The following SUPT3H variants were observed in gnomAD, a reference collection of about 807,000 sequenced individuals.
The protein encoded by SUPT3H is SPT3 homolog, SAGA and STAGA complex component.
SUPT3H carries 44 observed loss-of-function variants against 44.3 expected under a neutral mutation model. The observed-to-expected ratio is 0.99, with a 90% confidence interval of 0.78 to 1.28. The LOEUF is 1.28. Ranked by LOEUF, SUPT3H falls within the 50% of genes most tolerant of loss-of-function variation. The probability of loss-of-function intolerance (pLI) is 0.00; values close to 1 mark genes in which losing one functional copy is unlikely to be tolerated. For synonymous variants in SUPT3H, 124 were observed against 125.6 expected, an observed-to-expected ratio of 0.99 and a Z score of 0.09; for missense variants, 380 against 387.1, an observed-to-expected ratio of 0.98 and a Z score of 0.15.
chr6:45,050,626 T>C, intron 3 of SUPT3H, among the ~76,000 whole-genome samples: 1 of 152,158 alleles, frequency 6.6e-6, no homozygotes, highest in East Asian at 1.9e-4. Context: ...ATATATTTGA[T>C]ATTAATTTTG....
chr6:45,031,088 T>G (rs1326826588), intron 3 of SUPT3H, among the ~76,000 whole-genome samples: 1 of 152,224 alleles, frequency 6.6e-6, no homozygotes, highest in Non-Finnish European at 1.5e-5. Flanking sequence ...ATGCCTATGA[T>G]TTCATGTTTT....
In SUPT3H at chr6:45,014,560, T is replaced by C. The variant is rs16873059; in HGVS notation, c.364+241A>G. ...TGCTCCATAAAAAGAAACATTTCAATTCATCTGCAGAACTATTTTTCAAGA... is the reference window on the plus strand; with the variant it reads ...TGCTCCATAAAAAGAAACATTTCAACTCATCTGCAGAACTATTTTTCAAGA... On this transcript the variant is annotated intron_variant, in intron 5 of 10. Transcript: ENST00000371459. Among the ~76,000 whole-genome samples the C allele has an allele frequency of 3.4e-3, 516 of 152,242 alleles. 3 individuals are homozygous for C. Among genetic ancestry groups the C allele is most frequent in the African/African-American group, 0.012 (495 of 41,558 alleles).
At chr6:44,898,332 G>A (rs1764419099) in intron 10 of SUPT3H, among the ~76,000 whole-genome samples, 2 of 152,194 alleles carry the variant, frequency 1.3e-5, no homozygotes, top group East Asian at 1.9e-4. Context: ...AAGGCACTGT[G>A]GTTCACACCT....
chr6:45,027,323 T>G (rs1786190730), intron 3 of SUPT3H, among the ~76,000 whole-genome samples: 1 of 152,088 alleles, frequency 6.6e-6, no homozygotes, highest in Non-Finnish European at 1.5e-5. Context: ...ACCCCATTTC[T>G]GCTCTTTCTC....
chr6:44,835,287 T>G (rs1435584816), intron 10 of SUPT3H, among the ~76,000 whole-genome samples: 1 of 152,008 alleles, frequency 6.6e-6, no homozygotes, highest in Non-Finnish European at 1.5e-5. Flanking sequence ...ATAAAAAAGA[T>G]TTGGAGCATA....
intron 2 of SUPT3H, among the ~76,000 whole-genome samples, chr6:45,219,334 T>C (rs764295076): frequency 6.6e-6 from 1 of 151,320 alleles, no homozygotes; most frequent in Non-Finnish European, 1.5e-5. Flanking sequence ...TAGATAAACC[T>C]ACAGGAAGAA....
intron 3 of SUPT3H, among the ~76,000 whole-genome samples, chr6:45,049,371 A>C (rs1789919417): frequency 1.3e-5 from 2 of 152,282 alleles, no homozygotes; most frequent in South Asian, 4.1e-4. Context: ...AACAGTCAAC[A>C]CAAGTTACAC....
intron 10 of SUPT3H, among the ~76,000 whole-genome samples, chr6:44,849,220 C>CTTTT (rs143665414): frequency 8.3e-5 from 8 of 96,630 alleles, no homozygotes; most frequent in African/African-American, 8.4e-5. Flanking sequence ...CAAATGAATA[C>CTTTT]TTTTTTTTTT....
At chr6:44,864,995 C>T (rs187524960) in intron 10 of SUPT3H, among the ~76,000 whole-genome samples, 1 of 152,206 alleles carries the variant, frequency 6.6e-6, no homozygotes, top group African/African-American at 2.4e-5. Context: ...GCCTTTAACA[C>T]ACCAAGTCAC....
intron 2 of SUPT3H, among the ~76,000 whole-genome samples, chr6:45,287,747 G>C (rs1779556953): frequency 2.6e-5 from 4 of 152,154 alleles, no homozygotes; most frequent in East Asian, 3.8e-4. Flanking sequence ...CTTAAAAATA[G>C]TGCAAATGGT....
intron 2 of SUPT3H, among the ~76,000 whole-genome samples, chr6:45,127,733 CTTTTA>C (rs1802658882): frequency 6.6e-6 from 1 of 151,906 alleles, no homozygotes; most frequent in African/African-American, 2.4e-5. Context: ...TTACTATTTC[CTTTTA>C]TATTTACTTT....
chr6:45,213,443 T>A (rs1348659887), intron 2 of SUPT3H, among the ~76,000 whole-genome samples: 4 of 152,194 alleles, frequency 2.6e-5, no homozygotes, highest in African/African-American at 7.2e-5. Flanking sequence ...AACTTTTTTT[T>A]AAATATTTAA....
intron 2 of SUPT3H, among the ~76,000 whole-genome samples, chr6:45,175,495 G>A (rs1481173561): frequency 6.6e-6 from 1 of 152,152 alleles, no homozygotes; most frequent in African/African-American, 2.4e-5. Context: ...CTTCACACGT[G>A]GGGATTATGA....
In SUPT3H at chr6:45,219,817, G is replaced by T. The variant is rs184924240; in HGVS notation, c.102-113811C>A. ...GCACTTTGGGAGGCCGAGGTGGGTGGATCACGAGGTCAGGAGTTTGAGACA... is the reference window on the plus strand; with the variant it reads ...GCACTTTGGGAGGCCGAGGTGGGTGTATCACGAGGTCAGGAGTTTGAGACA... On this transcript the variant is annotated intron_variant, in intron 2 of 10. Transcript: ENST00000371459. 2.1e-3 allele frequency among the ~76,000 whole-genome samples: 325 copies of T among 151,940 alleles called. 1 individual carries two copies. The highest frequency in any genetic ancestry group is 7.5e-3 in the African/African-American group (311 of 41,434).
chr6:45,305,838 A>G (rs1782901946), intron 2 of SUPT3H, among the ~76,000 whole-genome samples: 2 of 152,194 alleles, frequency 1.3e-5, no homozygotes, highest in South Asian at 4.1e-4. Context: ...CACATTTCAG[A>G]TATCTGAGCC....
chr6:45,227,894 G>A (rs1285571918), intron 2 of SUPT3H, among the ~76,000 whole-genome samples: 1 of 151,860 alleles, frequency 6.6e-6, no homozygotes, highest in Non-Finnish European at 1.5e-5. Context: ...CTGAGAGTGA[G>A]GAATATATTA....
At position 45,209,191 on chromosome 6, in the gene SUPT3H, T is replaced by C. The variant is rs565622565; in HGVS notation, c.102-103185A>G. ...AGATATACGAGGAGATGAATGTTGT[T>C]TTCATGCCTGCTAGCACAACATCCA... is the stretch of plus-strand genomic sequence containing the variant. On this transcript the variant is annotated intron_variant, in intron 2 of 10. Transcript: ENST00000371459. Among the ~76,000 whole-genome samples the C allele has an allele frequency of 4.6e-5, 7 of 152,296 alleles. No individual in the cohort carries two copies. The South Asian group carries it at 1.5e-3, about 32-fold the overall frequency.
intron 6 of SUPT3H, among the ~76,000 whole-genome samples, chr6:44,964,075 T>C (rs866714858): frequency 6.6e-6 from 1 of 152,184 alleles, no homozygotes; most frequent in Non-Finnish European, 1.5e-5. Context: ...TTTGTATCTA[T>C]GTACGTATGT....
At chr6:44,931,325 ATTAT>A (rs1770554001) in intron 10 of SUPT3H, among the ~76,000 whole-genome samples, 1 of 151,760 alleles carries the variant, frequency 6.6e-6, no homozygotes, top group South Asian at 2.1e-4. Flanking sequence ...CCTATTCATC[ATTAT>A]TTGACTGTTT....
Sources: gnomAD v4.1 joint callset for allele counts (sites outside exome capture counted in the v4.1 genomes callset) on GRCh38, gnomAD v4.1.1 for gene constraint, MANE v1.5 for transcripts, NCBI Gene and HGNC (gene_info 2026-07-23, HGNC 2026-07-21) for gene names.